CD58: variants seen among roughly 807,000 people sequenced by gnomAD.
The protein encoded by CD58 is lymphocyte function-associated antigen 3.
CD58 carries 14 observed loss-of-function variants against 27.6 expected under a neutral mutation model. The ratio of observed to expected loss-of-function variants is 0.51; its 90% CI spans 0.34 to 0.79. The LOEUF (loss-of-function observed/expected upper bound fraction) is 0.79. Among genes scored for constraint, CD58 ranks in the 30% least tolerant of loss-of-function variants. The pLI is 0.02. For missense variants in CD58, 268 were observed against 301.7 expected (o/e 0.89, Z 0.83); for synonymous variants, 117 against 103.8 (o/e 1.13, Z -0.77).
rs1164189214 is a variant in CD58, at chr1:116,550,593, T to C, written c.71-5989A>G. On this transcript the variant is annotated intron_variant, in intron 1 of 5. Transcript: ENST00000369489. This position sits in a 1 kb window ranked among gnomAD's most constrained non-coding sequence, Gnocchi z 4.2. ...AAATTCTTCCAAACTCCTGTTAATATTGATATTTTGACCTGACGATTGGAA... is the reference window on the plus strand; with the variant it reads ...AAATTCTTCCAAACTCCTGTTAATACTGATATTTTGACCTGACGATTGGAA... Among the ~76,000 whole-genome samples the C allele has an allele frequency of 2.6e-5, 4 of 152,194 alleles. No homozygotes were observed. The highest frequency in any genetic ancestry group is 2.4e-5 in the African/African-American group (1 of 41,442).
rs546705454 is a variant in CD58, at chr1:116,549,847, G to A, written c.71-5243C>T. 1.5e-4 allele frequency among the ~76,000 whole-genome samples: 23 copies of A among 152,232 alleles called. No individual in the cohort carries two copies. In the South Asian group the frequency reaches 3.5e-3, roughly 23 times the overall value. ...CACAGGTATAGCTTGAAGATACCGT[G>A]GGTTTGGTCCCAGACAACAGCAATC... is the stretch of plus-strand genomic sequence containing the variant. On this transcript the variant is annotated intron_variant, in intron 1 of 5. Transcript: ENST00000369489.
At position 116,544,308 on chromosome 1, in the gene CD58, C is replaced by T. The variant is rs1658082749; in HGVS notation, c.364+3G>A. 3 of 1,589,776 alleles carry T rather than the reference C, an allele frequency of 1.9e-6. No individual in the cohort carries two copies. Among genetic ancestry groups the T allele is most frequent in the Non-Finnish European group, 2.6e-6 (3 of 1,169,614 alleles). On this transcript the variant is annotated splice_donor_region_variant and intron_variant, in intron 2 of 5. Coordinates refer to ENST00000369489, the MANE Select transcript of CD58 (RefSeq NM_001779.3). ...TAAACAAATCAACTTATGGAATACTCACCAAGCACATAAAGAAAGAACTTC... is the reference window on the plus strand; with the variant it reads ...TAAACAAATCAACTTATGGAATACTTACCAAGCACATAAAGAAAGAACTTC...
chr1:116,565,985 G>A (rs918535054), intron 1 of CD58, among the ~76,000 whole-genome samples: 1 of 152,086 alleles, frequency 6.6e-6, no homozygotes, highest in Non-Finnish European at 1.5e-5. Flanking sequence ...CCAAAGTGCT[G>A]GGATTACAGT....
At chr1:116,542,407 T>G (rs1458030664) in intron 2 of CD58, among the ~76,000 whole-genome samples, 1 of 152,222 alleles carries the variant, frequency 6.6e-6, no homozygotes, top group African/African-American at 2.4e-5. Flanking sequence ...GGACTGAGAA[T>G]GAACCACTGG....
rs1028081841 is a variant in CD58, at chr1:116,514,820, G to A, written c.746C>T (p.Ser249Phe). The A allele has an allele frequency of 1.3e-6, 2 of 1,556,724 alleles. No homozygotes were observed. The change falls in exon 6 of 6, where the codon TCC (serine) becomes TTC (phenylalanine). Residue 249 changes from serine (S) to phenylalanine (F), a missense_variant and splice_region_variant. Ser to Phe is a radical substitution (Grantham distance 155, BLOSUM62 -2). Coordinates refer to ENST00000369489, the MANE Select transcript of CD58 (RefSeq NM_001779.3). ...KCDRKPDRTN[S>F]N ...TTCATCTTCTGTTACCAATCAATTG[G>A]AGCTACAAAAAAAAATCATATTATT... is the stretch of plus-strand genomic sequence containing the variant.
rs1657017491 is a variant in CD58, at chr1:116,514,592, A to G, written c.*221T>C. ...AGTATCTACATCATCAGTAAAAACA[A>G]TTTACTGACAAAAAAAGCAAGCACC... On this transcript the variant is annotated 3_prime_UTR_variant, in exon 6 of 6. Transcript: ENST00000369489. The G allele has an allele frequency of 8.2e-6, 4 of 489,610 alleles. No individual in the cohort carries two copies. The highest frequency in any genetic ancestry group is 5.4e-4 in the Middle Eastern group (1 of 1,846). The allele number at this position is 489,610 out of a possible 1,614,324, so 30.3% of individuals were successfully genotyped here. A position where few individuals can be genotyped will look rare whatever the true frequency, so the allele number is the denominator to read the frequency against.
rs1487899853 is a variant in CD58, at chr1:116,550,480, A to T, written c.71-5876T>A. Among the ~76,000 whole-genome samples the T allele has an allele frequency of 6.6e-6, 1 of 152,184 alleles. No individual in the cohort carries two copies. Among genetic ancestry groups the T allele is most frequent in the East Asian group, 1.9e-4 (1 of 5,204 alleles). On this transcript the variant is annotated intron_variant, in intron 1 of 5. Coordinates refer to ENST00000369489, the MANE Select transcript of CD58 (RefSeq NM_001779.3). The surrounding 1 kb of genome is among the most constrained non-coding windows in gnomAD (Gnocchi z 4.2). ...TCATTGGCTCAATTTTCATCATGAG[A>T]TTGTGGCAACTGAGTGACATATTCA...
In CD58 at chr1:116,532,047, G is replaced by T. The variant is rs1263559007; in HGVS notation, c.628+3918C>A. On this transcript the variant is annotated intron_variant, in intron 3 of 5. Transcript: ENST00000369489. The surrounding 1 kb of genome is among the most constrained non-coding windows in gnomAD (Gnocchi z 5.1). ...TGACGCTCATATGCTCAAATGAAACGCAGGACTTCCCAGCCCAGCCCCTCA... is the reference window on the plus strand; with the variant it reads ...TGACGCTCATATGCTCAAATGAAACTCAGGACTTCCCAGCCCAGCCCCTCA... Among the ~76,000 whole-genome samples the T allele has an allele frequency of 1.3e-5, 2 of 152,234 alleles. No homozygotes were observed. Among genetic ancestry groups the T allele is most frequent in the South Asian group, 2.1e-4 (1 of 4,832 alleles).
At chr1:116,556,788 G>A (rs968279869) in intron 1 of CD58, among the ~76,000 whole-genome samples, 24 of 152,208 alleles carry the variant, frequency 1.6e-4, no homozygotes, top group Non-Finnish European at 2.4e-4. Flanking sequence ...AGATACCAGC[G>A]GGCCAAGTGT....
In CD58 at chr1:116,514,643, C is replaced by A; in HGVS notation, c.*170G>T. On this transcript the variant is annotated 3_prime_UTR_variant, in exon 6 of 6. Coordinates refer to ENST00000369489, the MANE Select transcript of CD58 (RefSeq NM_001779.3). ...TAGTCATATAATAAGTTGATGACAG[C>A]CAAAACTAATGCTTGTTCTTTGTTA... 1.8e-6 allele frequency: 1 copy of A among 542,826 alleles called. No homozygotes were observed. Among genetic ancestry groups the A allele is most frequent in the African/African-American group, 1.9e-5 (1 of 51,508 alleles). 33.6% of individuals were successfully genotyped at this position (542,826 alleles called of 1,614,324 possible).
rs1324068618 is a variant in CD58 at position 116,546,717 on chromosome 1, T to C, written c.71-2113A>G. On this transcript the variant is annotated intron_variant, in intron 1 of 5. Coordinates refer to ENST00000369489, the MANE Select transcript of CD58 (RefSeq NM_001779.3). The surrounding 1 kb of genome is among the most constrained non-coding windows in gnomAD (Gnocchi z 4.1). ...GCTTGAGAACAGTAGAAGAAAGTAG[T>C]CAGGAATGGAGCTAGTGGTGGAGGG... 6.6e-6 allele frequency among the ~76,000 whole-genome samples: 1 copy of C among 151,908 alleles called. No homozygotes were observed. The highest frequency in any genetic ancestry group is 1.5e-5 in the Non-Finnish European group (1 of 67,970).
Position 116,538,792 on chromosome 1 carries a change from T to C in CD58, c.365-2564A>G, listed in dbSNP as rs1238539349. Among the ~76,000 whole-genome samples, 1 of 152,116 alleles carries C rather than the reference T, an allele frequency of 6.6e-6. No individual in the cohort carries two copies. Among genetic ancestry groups the C allele is most frequent in the Non-Finnish European group, 1.5e-5 (1 of 68,028 alleles). On this transcript the variant is annotated intron_variant, in intron 2 of 5. Coordinates refer to ENST00000369489, the MANE Select transcript of CD58 (RefSeq NM_001779.3). The surrounding 1 kb of genome is among the most constrained non-coding windows in gnomAD (Gnocchi z 4.7). Reference sequence around the variant, plus strand: ...CTTTCAACCACAGCACATGACATAATGCAAGGCACACAGATGGCTCCTCAC... The same window carrying C: ...CTTTCAACCACAGCACATGACATAACGCAAGGCACACAGATGGCTCCTCAC...
In CD58 at chr1:116,534,649, C is replaced by T. The variant is rs1657732395; in HGVS notation, c.628+1316G>A. Among the ~76,000 whole-genome samples, 2 of 152,206 alleles carry T rather than the reference C, an allele frequency of 1.3e-5. No homozygotes were observed. The highest frequency in any genetic ancestry group is 6.5e-5 in the Admixed American group (1 of 15,290). ...CAGGCCCCAAGCCCCAGGCCCGCCG[C>T]GGCGGCGCTGCCCACCCTGACGAGG... is the stretch of plus-strand genomic sequence containing the variant. On this transcript the variant is annotated intron_variant, in intron 3 of 5. Coordinates refer to ENST00000369489, the MANE Select transcript of CD58 (RefSeq NM_001779.3). The surrounding 1 kb of genome is among the most constrained non-coding windows in gnomAD (Gnocchi z 5.3).
In CD58 at chr1:116,514,938, C is replaced by T. The variant is rs562279603; in HGVS notation, c.744-116G>A. On this transcript the variant is annotated intron_variant, in intron 5 of 5. Transcript: ENST00000369489. ...AATAGCCCTTTTGTAATAAACTCAT[C>T]AAAGCCAAGGGAGCTAGGGAGCAGG... 331 of 688,844 alleles carry T rather than the reference C, an allele frequency of 4.8e-4. 1 individual carries two copies. The African/African-American group carries it at 5.5e-3, about 12-fold the overall frequency. 42.7% of individuals were successfully genotyped at this position (688,844 alleles called of 1,614,324 possible).
rs1296231189 is a variant in CD58 at position 116,515,294 on chromosome 1, C to T, written c.744-472G>A. 6.6e-6 allele frequency among the ~76,000 whole-genome samples: 1 copy of T among 152,204 alleles called. No homozygotes were observed. Among genetic ancestry groups the T allele is most frequent in the Admixed American group, 6.5e-5 (1 of 15,278 alleles). ...GGAGTAAATCAGCCGAAAAACAAAA[C>T]CGCATCCTTGAGCAAGCCCTCAAAC... On this transcript the variant is annotated intron_variant, in intron 5 of 5. Transcript: ENST00000369489. This position sits in a 1 kb window ranked among gnomAD's most constrained non-coding sequence, Gnocchi z 4.6.
At chr1:116,567,201 GGGAAGGGACA>G (rs1474736537) in intron 1 of CD58, among the ~76,000 whole-genome samples, 2 of 131,606 alleles carry the variant, frequency 1.5e-5, no homozygotes, top group African/African-American at 5.6e-5. Flanking sequence ...GGGAAGGGAA[GGGAAGGGACA>G]GGAAGGGAGG....
At chr1:116,547,323 CTT>C (rs199788173) in intron 1 of CD58, among the ~76,000 whole-genome samples, 1,460 of 136,800 alleles carry the variant, frequency 0.011, 31 homozygotes, top group African/African-American at 0.037. Context: ...TTATTTTGTT[CTT>C]TTTTTTTTTT....
chr1:116,533,558 G>A, intron 3 of CD58: 2 of 718,272 alleles, frequency 2.8e-6, no homozygotes, highest in Admixed American at 3.5e-5. Flanking sequence ...TCATATTCCT[G>A]GACTAATTCA....
At chr1:116,556,211 G>A (rs1658553509) in intron 1 of CD58, among the ~76,000 whole-genome samples, 1 of 139,638 alleles carries the variant, frequency 7.2e-6, no homozygotes, top group East Asian at 2.1e-4. Flanking sequence ...CCAAGACTGT[G>A]CCACTGCACT....
Sources: allele counts gnomAD v4.1 joint callset (sites outside exome capture counted in the v4.1 genomes callset), GRCh38; gene constraint gnomAD v4.1.1; non-coding constraint Gnocchi (gnomAD v3.1); transcripts MANE v1.5; gene names NCBI Gene and HGNC (gene_info 2026-07-23, HGNC 2026-07-21).